TMEM17: variants seen among roughly 807,000 people sequenced by gnomAD.
TMEM17 encodes transmembrane protein 17.
Under a neutral mutation model 19.1 loss-of-function variants are expected in TMEM17, and 15 were observed. The observed-to-expected ratio is 0.78, with a 90% CI of 0.52 to 1.21. The LOEUF (loss-of-function observed/expected upper bound fraction) is 1.21, where lower values mean the gene tolerates loss of function less well. Ranked by LOEUF, TMEM17 falls within the 50% of genes most tolerant of loss-of-function variation. TMEM17 has a pLI of 0.00. For synonymous variants in TMEM17, 103 were observed against 86.9 expected, an observed-to-expected ratio of 1.19 and a Z score of -1.03; for missense variants, 245 against 242.3, an observed-to-expected ratio of 1.01 and a Z score of -0.07.
chr2:62,456,433 CTTTG>C, the TMEM17 span, among the ~76,000 whole-genome samples: 1 of 152,322 alleles, frequency 6.6e-6, no homozygotes, highest in East Asian at 1.9e-4. Flanking sequence ...TGTCATATGG[CTTTG>C]TTTGTCTTCT....
At chr2:62,454,804 C>T in the TMEM17 span, among the ~76,000 whole-genome samples, 5 of 152,116 alleles carry the variant, frequency 3.3e-5, no homozygotes, top group African/African-American at 7.2e-5. Context: ...CCTGGGTTCA[C>T]GCCATTCTCC....
Position 62,501,271 on chromosome 2 carries a change from C to G in TMEM17, c.535G>C (p.Asp179His), listed in dbSNP as rs1197799495. The G allele has an allele frequency of 6.2e-7, 1 of 1,614,140 alleles. No individual in the cohort carries two copies. The highest frequency in any genetic ancestry group is 1.1e-5 in the South Asian group (1 of 91,054). ...LAVRFHLQDF[D>H]RLSANRGDMR... The stretch of plus-strand genomic sequence containing the variant: ...TCTCCTCTGTTTGCAGAGAGCCGGT[C>G]AAAGTCTTGGAGGTGGAAACGAACT... Residue 179 changes from aspartate (D) to histidine (H), a missense_variant, in exon 4 of 4, where the codon GAC (aspartate) becomes CAC (histidine). Physicochemically the swap from Asp to His is moderately conservative, Grantham distance 81 (BLOSUM62 -1). Transcript: ENST00000335390.
chr2:62,501,363 G>A lies in TMEM17; in HGVS notation c.443C>T (p.Thr148Ile). The part of the protein sequence containing the change: ...PLEKAIHIIF[T>I]LFLAFQVVAA... ...AACAACTTGGAAAGCAAGGAAGAGA[G>A]TGAAGATGATATGTATCGCTTTTTC... The change falls in exon 4 of 4, where the codon ACT becomes ATT. Residue 148 changes from threonine (T) to isoleucine (I), a missense_variant. By Grantham distance (89) the Thr-to-Ile change is moderately conservative. Transcript: ENST00000335390. 1 of 1,614,202 alleles carries A rather than the reference G, an allele frequency of 6.2e-7. No homozygotes were observed. The highest frequency in any genetic ancestry group is 8.5e-7 in the Non-Finnish European group (1 of 1,180,032).
chr2:62,466,709 C>T, the TMEM17 span, among the ~76,000 whole-genome samples: 4 of 152,210 alleles, frequency 2.6e-5, no homozygotes, highest in Non-Finnish European at 5.9e-5. Context: ...CCTGGGACTG[C>T]AGCCTGGCAG....
downstream of TMEM17, among the ~76,000 whole-genome samples, chr2:62,498,278 T>A (rs1429190152): frequency 3.3e-5 from 5 of 151,832 alleles, no homozygotes; most frequent in Non-Finnish European, 7.4e-5. Context: ...TCCCCGCTAC[T>A]CTGGATGCTG....
rs560852712 is a variant in TMEM17, at chr2:62,503,444, G to A, written c.101-650C>T. 9.5e-4 allele frequency among the ~76,000 whole-genome samples: 144 copies of A among 152,254 alleles called. 2 individuals carry two copies. Among genetic ancestry groups the A allele is most frequent in the African/African-American group, 2.8e-3 (116 of 41,552 alleles). Reference sequence around the variant, plus strand: ...TCCCCAAAAAACAGTCTGGTGTACTGAACAGATCATGGGCTTCAGAGTTCA... The same window carrying A: ...TCCCCAAAAAACAGTCTGGTGTACTAAACAGATCATGGGCTTCAGAGTTCA... On this transcript the variant is annotated intron_variant, in intron 1 of 3. Transcript: ENST00000335390.
chr2:62,490,235 T>G, the TMEM17 span, among the ~76,000 whole-genome samples: 1 of 151,838 alleles, frequency 6.6e-6, no homozygotes, highest in East Asian at 1.9e-4. Flanking sequence ...AAAATTGATT[T>G]CAGAAAATTA....
chr2:62,493,518 TC>T, the TMEM17 span, among the ~76,000 whole-genome samples: 4 of 152,204 alleles, frequency 2.6e-5, no homozygotes, highest in Non-Finnish European at 5.9e-5. Context: ...TATGTGCTTA[TC>T]GTCTCCTAGG....
chr2:62,463,405 A>C, the TMEM17 span: 1 of 152,238 alleles, frequency 6.6e-6, no homozygotes, highest in African/African-American at 2.4e-5. Flanking sequence ...CCATTAGACC[A>C]ACATTATAGT....
the TMEM17 span, among the ~76,000 whole-genome samples, chr2:62,466,573 C>T: frequency 1.3e-5 from 2 of 152,308 alleles, no homozygotes; most frequent in East Asian, 1.9e-4. Context: ...GGGACTGGTC[C>T]TGTCTGGAAC....
chr2:62,453,841 G>T, the TMEM17 span, among the ~76,000 whole-genome samples: 1 of 152,226 alleles, frequency 6.6e-6, no homozygotes, highest in African/African-American at 2.4e-5. Flanking sequence ...GCTAAAGGGT[G>T]GGGGAATTCA....
chr2:62,504,161 C>T (rs1680003415), intron 1 of TMEM17, among the ~76,000 whole-genome samples: 1 of 152,162 alleles, frequency 6.6e-6, no homozygotes, highest in Non-Finnish European at 1.5e-5. Context: ...TGGTCTCTCA[C>T]AGCAAAATAG....
At chr2:62,455,670 G>A in the TMEM17 span, among the ~76,000 whole-genome samples, 1 of 152,222 alleles carries the variant, frequency 6.6e-6, no homozygotes, top group Non-Finnish European at 1.5e-5. Flanking sequence ...GGGAGGCTGA[G>A]GCAGGAGAAT....
At chr2:62,488,128 G>T in the TMEM17 span, among the ~76,000 whole-genome samples, 2 of 152,170 alleles carry the variant, frequency 1.3e-5, no homozygotes, top group Admixed American at 1.3e-4. Context: ...ACTTTGTATG[G>T]CCAGCTGTCA....
chr2:62,478,628 T>C, the TMEM17 span, among the ~76,000 whole-genome samples: 2 of 152,256 alleles, frequency 1.3e-5, no homozygotes, highest in Non-Finnish European at 2.9e-5. Context: ...GCTTTGCCAC[T>C]GACCTTGGGT....
the TMEM17 span, among the ~76,000 whole-genome samples, chr2:62,494,753 C>T: frequency 6.6e-6 from 1 of 152,216 alleles, no homozygotes; most frequent in South Asian, 2.1e-4. Context: ...CCTGTAATCC[C>T]AGCACTTGGG....
the TMEM17 span, among the ~76,000 whole-genome samples, chr2:62,470,513 T>C: frequency 6.6e-6 from 1 of 152,210 alleles, no homozygotes; most frequent in African/African-American, 2.4e-5. Context: ...GCAGTGTCGA[T>C]AGATGAACAT....
Position 62,501,205 on chromosome 2 carries a change from T to C in TMEM17, c.*4A>G, listed in dbSNP as rs1321660364. The stretch of plus-strand genomic sequence containing the variant: ...CTGTCAGATTTTCACTCAACAACAC[T>C]GGATCAGATCTCTTCTATACATGAC... On this transcript the variant is annotated 3_prime_UTR_variant, in exon 4 of 4. Coordinates refer to ENST00000335390, the MANE Select transcript of TMEM17 (RefSeq NM_198276.3). 1 of 1,611,044 alleles carries C rather than the reference T, an allele frequency of 6.2e-7. No individual in the cohort carries two copies. Among genetic ancestry groups the C allele is most frequent in the Non-Finnish European group, 8.5e-7 (1 of 1,177,738 alleles).
the TMEM17 span, among the ~76,000 whole-genome samples, chr2:62,476,494 C>T: frequency 6.6e-6 from 1 of 152,214 alleles, no homozygotes; most frequent in African/African-American, 2.4e-5. Flanking sequence ...GAGCTACACC[C>T]TGATAAACCC....
Sources: allele counts gnomAD v4.1 joint callset (sites outside exome capture counted in the v4.1 genomes callset), GRCh38; gene constraint gnomAD v4.1.1; transcripts MANE v1.5; gene names NCBI Gene and HGNC (gene_info 2026-07-23, HGNC 2026-07-21).